Variants in NAT10 observed in about 807,000 individuals in gnomAD.
The protein encoded by NAT10 is RNA cytidine acetyltransferase.
A neutral mutation model predicts 132.2 loss-of-function variants in NAT10; 109 were observed. That is an observed-to-expected ratio of 0.82 (90% CI 0.71 to 0.97). The LOEUF is 0.97. Among genes scored for constraint, NAT10 ranks in the 50% least tolerant of loss-of-function variants. NAT10 has a pLI of 0.00. For missense variants in NAT10, 1,184 were observed against 1,263.4 expected, an observed-to-expected ratio of 0.94 and a Z score of 0.95; for synonymous variants, 479 against 478.0, an observed-to-expected ratio of 1.00 and a Z score of -0.03.
chr11:34,141,079 C>T lies in NAT10; in HGVS notation c.2593-10C>T, dbSNP rs538117890. ...CTAGAGGCCCACCCAGCAGATTTTC[C>T]ATCCTTTAGGCTCTTCTCTTGGGGA... On this transcript the variant is annotated splice_polypyrimidine_tract_variant and intron_variant, in intron 24 of 28. Transcript: ENST00000257829. The T allele has an allele frequency of 3.7e-6, 6 of 1,613,978 alleles. No individual in the cohort carries two copies. The African/African-American group carries it at 5.3e-5, about 14-fold the overall frequency.
In NAT10 at chr11:34,134,298, A is replaced by G. The variant is rs771575993; in HGVS notation, c.1735-21A>G. 2.2e-5 allele frequency: 35 copies of G among 1,607,344 alleles called. No individual in the cohort carries two copies. In the South Asian group the frequency reaches 2.7e-4, roughly 13 times the overall value. On this transcript the variant is annotated intron_variant, in intron 16 of 28. Transcript: ENST00000257829. ...TATCAGAGTTGGCCTTTCTGCCTGC[A>G]CTGTCCTGCTTCCCCCACAGGTGTG...
Position 34,143,473 on chromosome 11 carries a change from T to C in NAT10, c.2914T>C (p.Trp972Arg), listed in dbSNP as rs1384666879. The C allele has an allele frequency of 6.2e-7, 1 of 1,613,710 alleles. No individual in the cohort carries two copies. The highest frequency in any genetic ancestry group is 8.5e-7 in the Non-Finnish European group (1 of 1,179,932). Residue 972 changes from tryptophan to arginine, a missense_variant, in exon 28 of 29, where the codon TGG (tryptophan) becomes CGG (arginine). Coordinates refer to ENST00000257829, the MANE Select transcript of NAT10 (RefSeq NM_024662.3). ...EYIIRGDDEE[W>R]NEVLNKAGPN... is the part of the protein sequence containing the mutation. ...CATAATCCGTGGGGACGATGAAGAG[T>C]GGAATGAAGTTTTGAACAAAGCTGG... is the stretch of plus-strand genomic sequence containing the variant.
At chr11:34,106,959 G>A (rs1851604101) in intron 1 of NAT10, 1 of 151,548 alleles carries the variant, frequency 6.6e-6, no homozygotes, top group Non-Finnish European at 1.5e-5. Context: ...TACTTTTACA[G>A]TGATATTTCT....
intron 25 of NAT10, 31 bp from the exon 26 acceptor site, chr11:34,141,688 C>T (rs1331852335): frequency 2.5e-6 from 4 of 1,605,154 alleles, no homozygotes; most frequent in Non-Finnish European, 3.4e-6. Context: ...GCTCCTTCAT[C>T]TTCTGCTTCT....
intron 3 of NAT10, among the ~76,000 whole-genome samples, chr11:34,109,819 G>A (rs1177912794): frequency 6.6e-6 from 1 of 152,182 alleles, no homozygotes; most frequent in Non-Finnish European, 1.5e-5. Flanking sequence ...GCTCTATGCA[G>A]ACCAACTTTC....
chr11:34,129,468 A>G (rs1394458285), intron 12 of NAT10, among the ~76,000 whole-genome samples: 5 of 151,846 alleles, frequency 3.3e-5, no homozygotes, highest in African/African-American at 7.3e-5. Flanking sequence ...TCATCTCTCC[A>G]ATTGGGTTGT....
intron 8 of NAT10, 136 bp downstream of exon 8, chr11:34,118,639 T>G: frequency 1.6e-6 from 1 of 638,422 alleles, no homozygotes; most frequent in Non-Finnish European, 2.7e-6. Context: ...CTCATACTCG[T>G]GTGTGCTCAG....
At chr11:34,119,872 C>T (rs908860771) in intron 8 of NAT10, among the ~76,000 whole-genome samples, 5 of 152,134 alleles carry the variant, frequency 3.3e-5, no homozygotes, top group African/African-American at 4.8e-5. Flanking sequence ...ATTTAGGATA[C>T]GTTTCCAGAA....
chr11:34,125,824 C>T (rs1190432367), intron 11 of NAT10, among the ~76,000 whole-genome samples: 5 of 152,076 alleles, frequency 3.3e-5, no homozygotes, highest in South Asian at 2.1e-4. Context: ...GTTAGCCAGG[C>T]GTGGTGGCAT....
intron 1 of NAT10, among the ~76,000 whole-genome samples, chr11:34,107,853 G>C (rs1433514097): frequency 2.0e-5 from 3 of 152,234 alleles, no homozygotes; most frequent in Non-Finnish European, 2.9e-5. Context: ...CCAGCCTGGC[G>C]ACAGAGTGAG....
At chr11:34,120,727 A>G (rs1851878076) in intron 8 of NAT10, among the ~76,000 whole-genome samples, 1 of 152,224 alleles carries the variant, frequency 6.6e-6, no homozygotes, top group African/African-American at 2.4e-5. Flanking sequence ...CAGTCAGTAA[A>G]TAAAAGACAT....
intron 4 of NAT10, 114 bp downstream of exon 4, chr11:34,112,337 C>T (rs1851710621): frequency 3.2e-6 from 4 of 1,256,792 alleles, no homozygotes; most frequent in Non-Finnish European, 4.5e-6. Context: ...CCCATGTTCC[C>T]TATGCCCAAG....
chr11:34,106,310 G>A (rs1174536586), intron 1 of NAT10, among the ~76,000 whole-genome samples: 1 of 152,026 alleles, frequency 6.6e-6, no homozygotes, highest in Non-Finnish European at 1.5e-5. Context: ...GAATGAGTGA[G>A]CGAAAAATAA....
chr11:34,139,904 T>G (rs1554976687), intron 23 of NAT10, among the ~76,000 whole-genome samples: 1 of 152,134 alleles, frequency 6.6e-6, no homozygotes. Context: ...TTTGAATACT[T>G]AAAAAACAAA....
chr11:34,128,490 A>G (rs1202778674), intron 12 of NAT10, among the ~76,000 whole-genome samples: 1 of 152,168 alleles, frequency 6.6e-6, no homozygotes, highest in East Asian at 1.9e-4. Context: ...AACATTTTTA[A>G]TTTGCATTTT....
intron 1 of NAT10, among the ~76,000 whole-genome samples, chr11:34,107,943 A>G (rs936159915): frequency 1.3e-5 from 2 of 152,066 alleles, no homozygotes; most frequent in East Asian, 1.9e-4. Flanking sequence ...ACTTTTTTGA[A>G]TATACAAGTT....
rs369612644 is a variant in NAT10 at position 34,124,420 on chromosome 11, C to G, written c.1107+20C>G. On this transcript the variant is annotated intron_variant, in intron 11 of 28. Transcript: ENST00000257829. ...ATTCAGGTGAGGCTTGTTCTCAGAC[C>G]CTGATGTGCAGGGCCAGTGTCTTGC... 7.8e-5 allele frequency: 123 copies of G among 1,571,978 alleles called. 2 individuals carry two copies. In the South Asian group the frequency reaches 8.0e-4, roughly 10 times the overall value.
At position 34,112,057 on chromosome 11, in the gene NAT10, G is replaced by A. The variant is rs1238911472; in HGVS notation, c.206G>A (p.Arg69Gln). Residue 69 changes from arginine (R) to glutamine (Q), a missense_variant, in exon 4 of 29, where the codon CGG (arginine) becomes CAG (glutamine). Transcript: ENST00000257829. ...TTGGGGGTGTGTGATTGCAGTCACC[G>A]GAAGAAAAGAATGCGACAGCTGCAG... is the stretch of plus-strand genomic sequence containing the variant. The part of the protein sequence containing the change: ...YKKELGFSSH[R>Q]KKRMRQLQKK... 2.5e-6 allele frequency: 4 copies of A among 1,614,084 alleles called. No homozygotes were observed. The highest frequency in any genetic ancestry group is 3.3e-5 in the Admixed American group (2 of 60,018).
At chr11:34,111,642 C>A (rs1851697338) in intron 3 of NAT10, among the ~76,000 whole-genome samples, 2 of 152,122 alleles carry the variant, frequency 1.3e-5, no homozygotes, top group African/African-American at 4.8e-5. Flanking sequence ...AAGTAACGTG[C>A]CATCACCTTG....
Sources: gnomAD v4.1 joint callset for allele counts (sites outside exome capture counted in the v4.1 genomes callset) on GRCh38, gnomAD v4.1.1 for gene constraint, MANE v1.5 for transcripts, NCBI Gene and HGNC (gene_info 2026-07-23, HGNC 2026-07-21) for gene names.